The following FGF13 variants were observed in gnomAD, a reference collection of about 807,000 sequenced individuals.
FGF13 encodes the protein fibroblast growth factor 13.
FGF13 carries 2 observed loss-of-function variants against 19.5 expected under a neutral mutation model. That is an observed-to-expected ratio of 0.10 (90% CI 0.04 to 0.32). FGF13 has a LOEUF of 0.32. FGF13 is among the 10% of genes least tolerant of loss of function. FGF13 has a pLI of 1.00. For missense variants in FGF13, 113 were observed against 192.7 expected (o/e 0.59, Z 2.45); for synonymous variants, 72 against 76.9 (o/e 0.94, Z 0.33).
At chrX:139,141,150 C>T (rs2083842583) in intron 1 of FGF13, among the ~76,000 whole-genome samples, 2 of 108,776 alleles carry the variant, frequency 1.8e-5, no homozygotes, top group Admixed American at 2.0e-4. Context: ...ACCCTTTCCC[C>T]AAGGGCACAC....
At chrX:139,076,353 A>G (rs966635742) in intron 1 of FGF13, among the ~76,000 whole-genome samples, 3 of 111,950 alleles carry the variant, frequency 2.7e-5, no homozygotes, top group Non-Finnish European at 5.6e-5. Context: ...TGGAGTAAAT[A>G]CACTGGTATG....
chrX:138,828,696 C>A (rs1234818274), intron 3 of FGF13, among the ~76,000 whole-genome samples: 1 of 110,753 alleles, frequency 9.0e-6, no homozygotes, highest in African/African-American at 3.3e-5. Context: ...TGGTGTGGAA[C>A]AGTCAATATT....
In FGF13 at chrX:138,632,998, A is replaced by G; in HGVS notation, c.602-12T>C. On this transcript the variant is annotated splice_polypyrimidine_tract_variant and intron_variant, in intron 4 of 4. Transcript: ENST00000315930. ...CTTGTACATGGCCACTGAAAAGCAC[A>G]CAAAGATGGTGTAAAAGGCCTTCAA... is the stretch of plus-strand genomic sequence containing the variant. 1 of 1,201,374 alleles carries G rather than the reference A, an allele frequency of 8.3e-7. No homozygotes were observed. The highest frequency in any genetic ancestry group is 1.1e-6 in the Non-Finnish European group (1 of 888,621).
chrX:138,723,036 G>A (rs1314336021), intron 1 of FGF13, among the ~76,000 whole-genome samples: 1 of 111,636 alleles, frequency 9.0e-6, no homozygotes, highest in South Asian at 3.7e-4. Flanking sequence ...AAGATACGAC[G>A]AGATTAAAAA....
At chrX:139,126,545 T>C (rs183986620) in intron 1 of FGF13, among the ~76,000 whole-genome samples, 30 of 111,415 alleles carry the variant, frequency 2.7e-4, no homozygotes, top group African/African-American at 8.8e-4. Context: ...GCCTGGAAAA[T>C]GGTACCAAAT....
intron 3 of FGF13, among the ~76,000 whole-genome samples, chrX:138,843,516 A>G (rs1464099229): frequency 9.0e-6 from 1 of 111,360 alleles, no homozygotes; most frequent in Non-Finnish European, 1.9e-5. Context: ...TTCTTTCTAC[A>G]TTTTTTTTAT....
rs145871760 is a variant in FGF13, at chrX:139,030,220, A to G, written c.-112-165570T>C. Among the ~76,000 whole-genome samples the G allele has an allele frequency of 4.5e-5, 5 of 111,195 alleles. 1 individual carries two copies. The highest frequency in any genetic ancestry group is 1.6e-4 in the African/African-American group (5 of 30,676). The stretch of plus-strand genomic sequence containing the variant: ...CCAAAGAGTCCAATGGGAAAGATAA[A>G]AGCTGGATTTTTGTCTCAGTGGCCT... On this transcript the variant is annotated intron_variant, in intron 1 of 2. Coordinates refer to the FGF13 transcript ENST00000421460.
chrX:139,019,250 G>T (rs193136724), intron 1 of FGF13, among the ~76,000 whole-genome samples: 8 of 111,638 alleles, frequency 7.2e-5, no homozygotes, highest in Admixed American at 5.7e-4. Flanking sequence ...CCACTATTTT[G>T]CTTTGTGAAA....
At chrX:138,978,543 C>G (rs866201345) in intron 1 of FGF13, among the ~76,000 whole-genome samples, 2 of 112,093 alleles carry the variant, frequency 1.8e-5, no homozygotes, top group Non-Finnish European at 3.8e-5. Context: ...ATTACAGGCG[C>G]GAGCCACCGC....
At chrX:138,867,307 T>G (rs2091331265) in intron 1 of FGF13, among the ~76,000 whole-genome samples, 1 of 111,288 alleles carries the variant, frequency 9.0e-6, no homozygotes, top group Admixed American at 9.5e-5. Context: ...TAGTCATGGC[T>G]ACTCAGGAGG....
intron 1 of FGF13, among the ~76,000 whole-genome samples, chrX:139,006,519 TAC>T (rs2092101917): frequency 8.9e-6 from 1 of 111,803 alleles, no homozygotes; most frequent in Non-Finnish European, 1.9e-5. Flanking sequence ...ATAGTAAGTA[TAC>T]AGAGAGACAC....
chrX:138,773,906 G>A (rs1374368306), intron 3 of FGF13, among the ~76,000 whole-genome samples: 1 of 111,233 alleles, frequency 9.0e-6, no homozygotes, highest in Non-Finnish European at 1.9e-5. Context: ...CCGAGAACAG[G>A]TTTTGCCTTC....
chrX:139,047,783 T>C (rs1304333061), intron 1 of FGF13, among the ~76,000 whole-genome samples: 1 of 112,066 alleles, frequency 8.9e-6, no homozygotes, highest in Admixed American at 9.5e-5. Context: ...CTCTGTCAAA[T>C]GGCAAAAGCA....
chrX:138,699,957 TC>T (rs2089931089), intron 3 of FGF13, among the ~76,000 whole-genome samples: 2 of 110,900 alleles, frequency 1.8e-5, no homozygotes, highest in South Asian at 7.6e-4. Context: ...GAGGCAAAAT[TC>T]CCCCTCTCCC....
intron 1 of FGF13, among the ~76,000 whole-genome samples, chrX:139,137,960 G>A (rs1355885496): frequency 8.9e-6 from 1 of 112,176 alleles, no homozygotes; most frequent in African/African-American, 3.2e-5. Flanking sequence ...AGAGTCCAGA[G>A]TAATGGTTAA....
At chrX:139,168,108 T>C (rs978978055) in intron 1 of FGF13, among the ~76,000 whole-genome samples, 2 of 111,733 alleles carry the variant, frequency 1.8e-5, no homozygotes, top group Non-Finnish European at 1.9e-5. Flanking sequence ...ATGAACCCAG[T>C]GATTTTTCAA....
chrX:138,874,684 G>T (rs2091378435), intron 1 of FGF13, among the ~76,000 whole-genome samples: 1 of 111,925 alleles, frequency 8.9e-6, no homozygotes, highest in Non-Finnish European at 1.9e-5. Context: ...AATTTGGGTT[G>T]TCAGCCTTTT....
intron 1 of FGF13, among the ~76,000 whole-genome samples, chrX:138,971,558 CTTTTG>C (rs2091915744): frequency 9.0e-6 from 1 of 110,907 alleles, no homozygotes; most frequent in East Asian, 2.8e-4. Flanking sequence ...TTTCTTTTTA[CTTTTG>C]TTTTATTTTT....
At chrX:139,098,437 C>T (rs1385040022) in intron 1 of FGF13, among the ~76,000 whole-genome samples, 2 of 111,357 alleles carry the variant, frequency 1.8e-5, no homozygotes, top group Non-Finnish European at 3.8e-5. Context: ...TTTCTCACAG[C>T]ACTATTCATA....
Sources: gnomAD v4.1 joint callset for allele counts (sites outside exome capture counted in the v4.1 genomes callset) on GRCh38, gnomAD v4.1.1 for gene constraint, MANE v1.5 for transcripts, NCBI Gene and HGNC (gene_info 2026-07-23, HGNC 2026-07-21) for gene names.